Variants in BPTF observed in about 807,000 individuals in gnomAD.
BPTF encodes the protein nucleosome-remodeling factor subunit BPTF.
In BPTF, 18 loss-of-function variants were observed where a neutral mutation model predicts 292.5. The ratio of observed to expected loss-of-function variants is 0.06; its 90% CI spans 0.04 to 0.09. BPTF has a LOEUF of 0.09. BPTF is among the 10% of genes least tolerant of loss of function. The pLI is 1.00. For missense variants in BPTF, 2,726 were observed against 3,498.7 expected (o/e 0.78, Z 5.57); for synonymous variants, 1,225 against 1,251.9 (o/e 0.98, Z 0.45).
chr17:67,947,720 C>T lies in BPTF; in HGVS notation c.7618-6C>T. ...TATGCGCTTTTGGATTTATTCTGTC[C>T]TGAAGGTGGTGATGAAGCATAATGC... On this transcript the variant is annotated splice_region_variant and splice_polypyrimidine_tract_variant and intron_variant, in intron 21 of 27. Transcript: ENST00000306378. The T allele has an allele frequency of 6.4e-7, 1 of 1,552,282 alleles. No individual in the cohort carries two copies. Among genetic ancestry groups the T allele is most frequent in the Non-Finnish European group, 8.7e-7 (1 of 1,146,750 alleles).
intron 7 of BPTF, among the ~76,000 whole-genome samples, chr17:67,898,104 T>C (rs2061571929): frequency 1.3e-5 from 2 of 152,252 alleles, no homozygotes; most frequent in Admixed American, 1.3e-4. Flanking sequence ...ATGCAGTGGC[T>C]GACACTTGTA....
rs532104381 is a variant in BPTF at position 67,916,387 on chromosome 17, C to T, written c.5304-2327C>T. On this transcript the variant is annotated intron_variant, in intron 11 of 27. Transcript: ENST00000306378. Reference sequence around the variant, plus strand: ...GGTGGATCACCTGAGGTCAGGAGTTCGAGACCAGCCTGGCCAAAGTGGTGA... The same window carrying T: ...GGTGGATCACCTGAGGTCAGGAGTTTGAGACCAGCCTGGCCAAAGTGGTGA... Among the ~76,000 whole-genome samples the T allele has an allele frequency of 9.5e-4, 144 of 152,166 alleles. 1 individual carries two copies. Among genetic ancestry groups the T allele is most frequent in the African/African-American group, 3.0e-3 (126 of 41,520 alleles).
intron 1 of BPTF, among the ~76,000 whole-genome samples, chr17:67,845,034 C>T (rs902303199): frequency 1.1e-4 from 17 of 152,194 alleles, no homozygotes; most frequent in Non-Finnish European, 2.4e-4. Flanking sequence ...TGAGCCACTG[C>T]GCCCAGCCTG....
chr17:67,906,916 G>C (rs1473796090), intron 9 of BPTF, among the ~76,000 whole-genome samples: 2 of 152,172 alleles, frequency 1.3e-5, no homozygotes, highest in Non-Finnish European at 2.9e-5. Context: ...TTTAAGTCCA[G>C]GTGCCATGGC....
intron 1 of BPTF, among the ~76,000 whole-genome samples, chr17:67,831,261 C>T (rs1235944073): frequency 6.6e-6 from 1 of 151,996 alleles, no homozygotes; most frequent in East Asian, 1.9e-4. Context: ...ATTACATATG[C>T]CTCCCTAAGA....
At chr17:67,905,184 T>A (rs1299230403) in intron 9 of BPTF, among the ~76,000 whole-genome samples, 1 of 150,628 alleles carries the variant, frequency 6.6e-6, no homozygotes, top group Non-Finnish European at 1.5e-5. Context: ...CTGAGGCAGG[T>A]GGATTACTTG....
At position 67,912,755 on chromosome 17, in the gene BPTF, C is replaced by T. The variant is rs1328870341; in HGVS notation, c.4871C>T (p.Thr1624Ile). The T allele has an allele frequency of 6.2e-7, 1 of 1,614,152 alleles. No homozygotes were observed. The highest frequency in any genetic ancestry group is 8.5e-7 in the Non-Finnish European group (1 of 1,180,040). Residue 1624 changes from threonine to isoleucine, a missense_variant, in exon 11 of 28, where the codon ACT becomes ATT. By Grantham distance (89) the Thr-to-Ile change is moderately conservative. Transcript: ENST00000306378. ...VSSTENCAKS[T>I]VTTTTTTVTK... ...TCCACAGAAAATTGTGCAAAATCCACTGTCACAACCACCACTACAACAGTG... is the reference window on the plus strand; with the variant it reads ...TCCACAGAAAATTGTGCAAAATCCATTGTCACAACCACCACTACAACAGTG...
chr17:67,894,310 A>G, intron 7 of BPTF, 145 bp downstream of exon 7: 1 of 781,272 alleles, frequency 1.3e-6, no homozygotes, highest in Non-Finnish European at 2.0e-6. Context: ...TAAGTTGTAA[A>G]CATGAATGAA....
At chr17:67,961,704 T>G (rs1555684167) in intron 24 of BPTF, among the ~76,000 whole-genome samples, 1 of 152,102 alleles carries the variant, frequency 6.6e-6, no homozygotes, top group Non-Finnish European at 1.5e-5. Flanking sequence ...CCAGGCGTGG[T>G]GGCTAATGCC....
chr17:67,837,217 T>C (rs542711477), intron 1 of BPTF, among the ~76,000 whole-genome samples: 1 of 152,324 alleles, frequency 6.6e-6, no homozygotes, highest in Admixed American at 6.5e-5. Context: ...CAGGCTCTTT[T>C]TGCGTTTACA....
At chr17:67,852,182 G>A (rs551415706) in intron 1 of BPTF, among the ~76,000 whole-genome samples, 12 of 151,872 alleles carry the variant, frequency 7.9e-5, no homozygotes, top group East Asian at 1.9e-4. Context: ...GTATAATGAC[G>A]TTGTATTTAT....
intron 27 of BPTF, among the ~76,000 whole-genome samples, chr17:67,981,033 C>T (rs1189855614): frequency 2.6e-5 from 4 of 152,138 alleles, no homozygotes; most frequent in African/African-American, 4.8e-5. Context: ...GTGGCATGTG[C>T]CTGTAGTCCC....
chr17:67,864,403 T>A (rs2059270517), intron 2 of BPTF, among the ~76,000 whole-genome samples: 1 of 151,532 alleles, frequency 6.6e-6, no homozygotes, highest in Admixed American at 6.6e-5. Context: ...GGTGTGTGCC[T>A]GTAAATCCCA....
chr17:67,876,133 G>C (rs188727479), intron 4 of BPTF, among the ~76,000 whole-genome samples: 1 of 152,218 alleles, frequency 6.6e-6, no homozygotes, highest in Admixed American at 6.5e-5. Flanking sequence ...GCATGTGCTC[G>C]TGTAATATTT....
At chr17:67,861,560 C>G (rs1057500154) in intron 2 of BPTF, among the ~76,000 whole-genome samples, 2 of 152,146 alleles carry the variant, frequency 1.3e-5, no homozygotes, top group African/African-American at 4.8e-5. Flanking sequence ...AGGTGATCAG[C>G]CCACCTCAGC....
intron 18 of BPTF, among the ~76,000 whole-genome samples, chr17:67,939,302 A>G (rs2065175235): frequency 6.6e-6 from 1 of 152,216 alleles, no homozygotes; most frequent in African/African-American, 2.4e-5. Context: ...CCATTAAGAG[A>G]AACACAAAGA....
intron 23 of BPTF, chr17:67,951,085 A>G (rs1174170177): frequency 2.0e-5 from 3 of 152,168 alleles, no homozygotes; most frequent in Non-Finnish European, 4.4e-5. Flanking sequence ...CTGGGATTAC[A>G]GGCATGAGCC....
rs532868851 is a variant in BPTF at position 67,964,593 on chromosome 17, C to T, written c.8454+189C>T. The stretch of plus-strand genomic sequence containing the variant: ...TGAGCTTTACCATATCCCCACACCA[C>T]GTCAGCTTATCTCACACTCACAAGA... On this transcript the variant is annotated intron_variant, in intron 25 of 27. Coordinates refer to ENST00000306378, the MANE Select transcript of BPTF (RefSeq NM_182641.4). 2.0e-5 allele frequency among the ~76,000 whole-genome samples: 3 copies of T among 152,328 alleles called. No homozygotes were observed. The South Asian group carries it at 6.2e-4, about 32-fold the overall frequency.
chr17:67,919,115 T>C (rs1260172871), intron 12 of BPTF, among the ~76,000 whole-genome samples: 2 of 150,708 alleles, frequency 1.3e-5, no homozygotes, highest in African/African-American at 4.9e-5. Flanking sequence ...GAGCTTACAG[T>C]GAGCTGAGAT....
Sources: allele counts gnomAD v4.1 joint callset (sites outside exome capture counted in the v4.1 genomes callset), GRCh38; gene constraint gnomAD v4.1.1; transcripts MANE v1.5; gene names NCBI Gene and HGNC (gene_info 2026-07-23, HGNC 2026-07-21).